Variants in DTNBP1 observed in about 807,000 individuals in gnomAD.
DTNBP1 encodes dysbindin.
Under a neutral mutation model 42.8 loss-of-function variants are expected in DTNBP1, and 35 were observed. The ratio of observed to expected loss-of-function variants is 0.82; its 90% CI spans 0.63 to 1.09. The LOEUF is 1.09. Among genes scored for constraint, DTNBP1 ranks in the 50% least tolerant of loss-of-function variants. The pLI, the probability that DTNBP1 is intolerant of heterozygous loss-of-function variation, is 0.00. For missense variants in DTNBP1, 457 were observed against 424.2 expected (o/e 1.08, Z -0.68); for synonymous variants, 171 against 162.2 (o/e 1.05, Z -0.41).
chr6:15,535,138 GAGT>G lies in DTNBP1; in HGVS notation c.512-1746_512-1744del, dbSNP rs1773136777. 3.3e-5 allele frequency among the ~76,000 whole-genome samples: 5 copies of G among 152,222 alleles called. No individual in the cohort carries two copies. The South Asian group carries it at 1.0e-3, about 32-fold the overall frequency. On this transcript the variant is annotated intron_variant, in intron 7 of 9. Coordinates refer to ENST00000344537, the MANE Select transcript of DTNBP1 (RefSeq NM_032122.5). ...TCCCCCATGCTGTTCTCGTGATAGT[GAGT>G]AGTTCTCACTAGATCTGATGGTTGT...
chr6:15,553,781 C>T (rs1254718032), intron 7 of DTNBP1, among the ~76,000 whole-genome samples: 1 of 151,956 alleles, frequency 6.6e-6, no homozygotes, highest in East Asian at 1.9e-4. Flanking sequence ...GGGTTCAGGA[C>T]ACAATACCCC....
At chr6:15,648,147 G>C (rs942207260) in intron 3 of DTNBP1, among the ~76,000 whole-genome samples, 1 of 151,870 alleles carries the variant, frequency 6.6e-6, no homozygotes, top group Non-Finnish European at 1.5e-5. Context: ...TTGGTAGAAC[G>C]AAAGGAAAAA....
At chr6:15,537,290 G>C (rs1232132825) in intron 7 of DTNBP1, among the ~76,000 whole-genome samples, 1 of 152,080 alleles carries the variant, frequency 6.6e-6, no homozygotes, top group East Asian at 1.9e-4. Flanking sequence ...GGGCATGGTG[G>C]TGCATGCCTG....
intron 5 of DTNBP1, among the ~76,000 whole-genome samples, chr6:15,618,801 A>G (rs1261481472): frequency 1.3e-5 from 2 of 152,198 alleles, no homozygotes; most frequent in African/African-American, 4.8e-5. Context: ...CTCTATACAC[A>G]ATAGCCGAGA....
intron 7 of DTNBP1, among the ~76,000 whole-genome samples, chr6:15,554,895 A>G (rs939426593): frequency 2.0e-5 from 3 of 152,104 alleles, no homozygotes; most frequent in African/African-American, 7.2e-5. Context: ...CTTATGGGAA[A>G]AAATGCTGGT....
intron 7 of DTNBP1, among the ~76,000 whole-genome samples, chr6:15,564,783 C>A (rs1265463079): frequency 6.6e-6 from 1 of 152,042 alleles, no homozygotes; most frequent in African/African-American, 2.4e-5. Flanking sequence ...CACATTAAAA[C>A]AGATGCTCAA....
At chr6:15,637,526 G>C (rs1562006137) in intron 4 of DTNBP1, among the ~76,000 whole-genome samples, 1 of 152,102 alleles carries the variant, frequency 6.6e-6, no homozygotes, top group Non-Finnish European at 1.5e-5. Context: ...TAGAATAAAA[G>C]TTATAAACTC....
intron 7 of DTNBP1, among the ~76,000 whole-genome samples, chr6:15,560,507 A>G (rs1774785830): frequency 6.6e-6 from 1 of 152,228 alleles, no homozygotes; most frequent in African/African-American, 2.4e-5. Context: ...GCATAAGTAC[A>G]GTAAGAATCT....
intron 7 of DTNBP1, among the ~76,000 whole-genome samples, chr6:15,572,767 T>C (rs1183837381): frequency 1.3e-5 from 2 of 152,232 alleles, no homozygotes; most frequent in Non-Finnish European, 2.9e-5. Flanking sequence ...AGTCTTGCTC[T>C]GTTGCCCAGG....
intron 1 of DTNBP1, among the ~76,000 whole-genome samples, chr6:15,655,416 T>C (rs1761225363): frequency 6.6e-6 from 1 of 152,108 alleles, no homozygotes; most frequent in Non-Finnish European, 1.5e-5. Context: ...TGAACCACCA[T>C]ATCCAGCCAA....
At chr6:15,564,367 A>T (rs1419411402) in intron 7 of DTNBP1, among the ~76,000 whole-genome samples, 1 of 152,054 alleles carries the variant, frequency 6.6e-6, no homozygotes. Flanking sequence ...CAATAATAAG[A>T]CAAACCAATT....
intron 8 of DTNBP1, among the ~76,000 whole-genome samples, chr6:15,525,635 G>C (rs907033423): frequency 9.2e-5 from 14 of 152,192 alleles, no homozygotes; most frequent in African/African-American, 3.4e-4. Context: ...TAATGACTAG[G>C]TAGAAGAGAC....
intron 3 of DTNBP1, among the ~76,000 whole-genome samples, chr6:15,647,857 T>C (rs993739830): frequency 6.6e-6 from 1 of 151,926 alleles, no homozygotes; most frequent in African/African-American, 2.4e-5. Context: ...TTGACCATTC[T>C]CAAAATCTTT....
In DTNBP1 at chr6:15,602,370, G is replaced by A. The variant is rs201209220; in HGVS notation, c.489-9289C>T. ...CTTGCTTACCACCGATGTCAGAGCA[G>A]GTATGGCAGGCTGCCAGGTGTGCCT... On this transcript the variant is annotated intron_variant, in intron 6 of 9. Coordinates refer to ENST00000344537, the MANE Select transcript of DTNBP1 (RefSeq NM_032122.5). 4.6e-5 allele frequency among the ~76,000 whole-genome samples: 7 copies of A among 152,302 alleles called. No homozygotes were observed. The East Asian group carries it at 1.3e-3, about 29-fold the overall frequency.
rs767489742 is a variant in DTNBP1 at position 15,523,223 on chromosome 6, C to T, written c.812-4G>A. 2 of 1,613,988 alleles carry T rather than the reference C, an allele frequency of 1.2e-6. No individual in the cohort carries two copies. The highest frequency in any genetic ancestry group is 1.1e-5 in the South Asian group (1 of 90,978). ...TGACAGGTACTGGATTCAGGCCCTGCAAAATAACGTAGGGAAGAAAAAGCC... is the reference window on the plus strand; with the variant it reads ...TGACAGGTACTGGATTCAGGCCCTGTAAAATAACGTAGGGAAGAAAAAGCC... On this transcript the variant is annotated splice_polypyrimidine_tract_variant and splice_region_variant and intron_variant, in intron 9 of 9. Coordinates refer to ENST00000344537, the MANE Select transcript of DTNBP1 (RefSeq NM_032122.5).
At position 15,600,547 on chromosome 6, in the gene DTNBP1, CAG is replaced by C. The variant is rs987090881; in HGVS notation, c.489-7468_489-7467del. ...ATTTGGGAAAAAATGAGCACTCTAA[CAG>C]TAATATAAATGAAGGGACACAAGAC... On this transcript the variant is annotated intron_variant, in intron 6 of 9. Coordinates refer to ENST00000344537, the MANE Select transcript of DTNBP1 (RefSeq NM_032122.5). Among the ~76,000 whole-genome samples, 5 of 151,986 alleles carry C rather than the reference CAG, an allele frequency of 3.3e-5. No individual in the cohort carries two copies. The East Asian group carries it at 9.6e-4, about 29-fold the overall frequency.
intron 1 of DTNBP1, among the ~76,000 whole-genome samples, chr6:15,654,006 T>A (rs1244324885): frequency 6.6e-6 from 1 of 152,238 alleles, no homozygotes; most frequent in Non-Finnish European, 1.5e-5. Flanking sequence ...AAGCACCATA[T>A]GGGGACTTCT....
At chr6:15,539,946 C>T (rs79027323) in intron 7 of DTNBP1, among the ~76,000 whole-genome samples, 4,380 of 152,260 alleles carry the variant, frequency 0.029, 85 homozygotes, top group South Asian at 0.052. Flanking sequence ...AGGTTGTTGG[C>T]AGGATTAAAT....
At chr6:15,626,891 C>T (rs2113737112) in intron 5 of DTNBP1, among the ~76,000 whole-genome samples, 1 of 152,180 alleles carries the variant, frequency 6.6e-6, no homozygotes. Flanking sequence ...AGCACAAGTA[C>T]CCTCATTTAA....
Sources: allele counts gnomAD v4.1 joint callset (sites outside exome capture counted in the v4.1 genomes callset), GRCh38; gene constraint gnomAD v4.1.1; transcripts MANE v1.5; gene names NCBI Gene and HGNC (gene_info 2026-07-23, HGNC 2026-07-21).